IQSEC1: variants seen among roughly 807,000 people sequenced by gnomAD.
IQSEC1 encodes the protein IQ motif and SEC7 domain-containing protein 1.
In IQSEC1, 31 loss-of-function variants were observed where a neutral mutation model predicts 91.0. That is an observed-to-expected ratio of 0.34 (90% CI 0.26 to 0.46). IQSEC1 has a LOEUF of 0.46. Among genes scored for constraint, IQSEC1 ranks in the 20% least tolerant of loss-of-function variants. The probability of loss-of-function intolerance (pLI) is 1.00; values close to 1 mark genes in which losing one functional copy is unlikely to be tolerated. For synonymous variants in IQSEC1, 699 were observed against 662.6 expected, an observed-to-expected ratio of 1.05 and a Z score of -0.84; for missense variants, 1,388 against 1,575.6, an observed-to-expected ratio of 0.88 and a Z score of 2.02.
chr3:13,124,473 T>C (rs1706478175), intron 2 of IQSEC1, among the ~76,000 whole-genome samples: 2 of 152,198 alleles, frequency 1.3e-5, no homozygotes, highest in Non-Finnish European at 2.9e-5. Context: ...TGGATCTCTA[T>C]GAGTGACTGT....
intron 1 of IQSEC1, among the ~76,000 whole-genome samples, chr3:13,060,979 C>T (rs1340921538): frequency 6.6e-6 from 1 of 152,206 alleles, no homozygotes; most frequent in Non-Finnish European, 1.5e-5. Flanking sequence ...CCCTGCACTG[C>T]CTCCAGGGTA....
At chr3:13,007,232 T>TA (rs1412097619) in intron 1 of IQSEC1, among the ~76,000 whole-genome samples, 1 of 152,136 alleles carries the variant, frequency 6.6e-6, no homozygotes, top group Non-Finnish European at 1.5e-5. Context: ...ACAGAACCCC[T>TA]AGGAAGAGGG....
At position 12,970,633 on chromosome 3, in the gene IQSEC1, C is replaced by CT. The variant is rs1370305206; in HGVS notation, c.24-28769_24-28768insA. Among the ~76,000 whole-genome samples, 6 of 152,192 alleles carry CT rather than the reference C, an allele frequency of 3.9e-5. No individual in the cohort carries two copies. Among genetic ancestry groups the CT allele is most frequent in the Admixed American group, 3.9e-4 (6 of 15,282 alleles). ...CATCTCTCCATCCCTTACCTCTCCT[C>CT]CTGCCCACTCTATGCCTGCCACACC... On this transcript the variant is annotated intron_variant, in intron 1 of 13. Coordinates refer to ENST00000613206, the MANE Select transcript of IQSEC1 (RefSeq NM_001134382.3). The surrounding 1 kb of genome is among the most constrained non-coding windows in gnomAD (Gnocchi z 4.4).
intron 1 of IQSEC1, among the ~76,000 whole-genome samples, chr3:13,264,656 G>A (rs1478826735): frequency 6.6e-6 from 1 of 152,088 alleles, no homozygotes; most frequent in East Asian, 1.9e-4. Flanking sequence ...AGGCCTGGCA[G>A]GCTCGCGAAG....
intron 1 of IQSEC1, among the ~76,000 whole-genome samples, chr3:12,982,591 A>G (rs1701519940): frequency 6.6e-6 from 1 of 152,252 alleles, no homozygotes; most frequent in South Asian, 2.1e-4. Flanking sequence ...CACCCATGCC[A>G]TTTGCCTGGC....
At chr3:13,084,033 G>C (rs1019232257) in intron 2 of IQSEC1, among the ~76,000 whole-genome samples, 7 of 152,224 alleles carry the variant, frequency 4.6e-5, no homozygotes, top group African/African-American at 1.7e-4. Context: ...ATATGTACCA[G>C]GGGCTCCAAG....
At chr3:13,026,863 AG>A (rs1703632827) in intron 1 of IQSEC1, among the ~76,000 whole-genome samples, 1 of 56,000 alleles carries the variant, frequency 1.8e-5, no homozygotes, top group African/African-American at 6.3e-5. Flanking sequence ...TTATCTCCCC[AG>A]TTTTTTTTTT....
chr3:13,152,012 G>A (rs1271086119), intron 2 of IQSEC1, among the ~76,000 whole-genome samples: 1 of 152,042 alleles, frequency 6.6e-6, no homozygotes, highest in Non-Finnish European at 1.5e-5. Flanking sequence ...AAAAAAGAGA[G>A]AGTTCTATTC....
At chr3:13,260,397 G>C (rs777394341) in intron 1 of IQSEC1, among the ~76,000 whole-genome samples, 13 of 152,216 alleles carry the variant, frequency 8.5e-5, no homozygotes, top group Non-Finnish European at 1.3e-4. Context: ...ACGACGGGCT[G>C]ATGTGCAACA....
chr3:13,249,871 C>A (rs1005635492), intron 1 of IQSEC1, among the ~76,000 whole-genome samples: 2 of 152,224 alleles, frequency 1.3e-5, no homozygotes, highest in Non-Finnish European at 2.9e-5. Flanking sequence ...CATGTGAAGA[C>A]CCCCACAGGT....
intron 2 of IQSEC1, among the ~76,000 whole-genome samples, chr3:13,104,891 C>A (rs1237740696): frequency 6.6e-6 from 1 of 152,226 alleles, no homozygotes; most frequent in Non-Finnish European, 1.5e-5. Flanking sequence ...TGGCTCTCTT[C>A]TAACCAGGAA....
intron 1 of IQSEC1, among the ~76,000 whole-genome samples, chr3:13,244,017 G>T (rs1057248939): frequency 6.6e-6 from 1 of 152,206 alleles, no homozygotes; most frequent in Non-Finnish European, 1.5e-5. Context: ...ACACACATTT[G>T]TGGAGCGCCT....
intron 1 of IQSEC1, among the ~76,000 whole-genome samples, chr3:13,212,503 G>C (rs6776573): frequency 0.033 from 5,070 of 152,302 alleles, 281 homozygotes; most frequent in African/African-American, 0.11. Context: ...GAATTCTGTA[G>C]GTTTTCATCT....
chr3:13,116,712 C>T (rs1219997116), intron 2 of IQSEC1, among the ~76,000 whole-genome samples: 1 of 152,036 alleles, frequency 6.6e-6, no homozygotes, highest in Non-Finnish European at 1.5e-5. Context: ...ACCAGCCTGG[C>T]CAACATGGTG....
intron 2 of IQSEC1, among the ~76,000 whole-genome samples, chr3:13,162,692 C>T (rs905588198): frequency 1.3e-5 from 2 of 152,178 alleles, no homozygotes; most frequent in Non-Finnish European, 2.9e-5. Flanking sequence ...GAGATGTGTA[C>T]TCTCACACCC....
intron 2 of IQSEC1, among the ~76,000 whole-genome samples, chr3:13,087,906 A>G (rs951526734): frequency 2.6e-5 from 4 of 152,146 alleles, no homozygotes; most frequent in African/African-American, 9.7e-5. Flanking sequence ...CTCCCAGGAC[A>G]ACTACCCCAC....
chr3:13,041,730 C>T (rs1011689598), intron 1 of IQSEC1, among the ~76,000 whole-genome samples: 2 of 152,158 alleles, frequency 1.3e-5, no homozygotes, highest in African/African-American at 4.8e-5. Context: ...GAGCAGTCCC[C>T]AAATCCATGT....
At chr3:13,131,152 G>C (rs1292938673) in intron 2 of IQSEC1, among the ~76,000 whole-genome samples, 1 of 152,078 alleles carries the variant, frequency 6.6e-6, no homozygotes, top group Admixed American at 6.6e-5. Flanking sequence ...CATGTATTTT[G>C]AGTGTGTTCT....
chr3:12,967,555 G>C lies in IQSEC1; in HGVS notation c.24-25690C>G, dbSNP rs1700665161. 6.6e-6 allele frequency: 9 copies of C among 1,359,760 alleles called. No homozygotes were observed. The highest frequency in any genetic ancestry group is 8.4e-6 in the Non-Finnish European group (9 of 1,065,192). 84.2% of individuals were successfully genotyped at this position (1,359,760 alleles called of 1,614,324 possible). A position where few individuals can be genotyped will look rare whatever the true frequency, so the allele number is the denominator to read the frequency against. ...CGCCGGATCCCGGGGCCGACACCCG[G>C]CCACCCGGAGACCCGACCACCCGCC... On this transcript the variant is annotated intron_variant, in intron 1 of 13. Transcript: ENST00000613206. This position sits in a 1 kb window ranked among gnomAD's most constrained non-coding sequence, Gnocchi z 5.9.
Sources: allele counts gnomAD v4.1 joint callset (sites outside exome capture counted in the v4.1 genomes callset), GRCh38; gene constraint gnomAD v4.1.1; non-coding constraint Gnocchi (gnomAD v3.1); transcripts MANE v1.5; gene names NCBI Gene and HGNC (gene_info 2026-07-23, HGNC 2026-07-21).